SBNO2: variants seen among roughly 807,000 people sequenced by gnomAD.
SBNO2 encodes strawberry notch homolog 2, also known as protein strawberry notch homolog 2.
SBNO2 carries 89 observed loss-of-function variants against 146.3 expected under a neutral mutation model. The ratio of observed to expected loss-of-function variants is 0.61; its 90% CI spans 0.51 to 0.73. The LOEUF (loss-of-function observed/expected upper bound fraction) is 0.73, where lower values mean the gene tolerates loss of function less well. Among genes scored for constraint, SBNO2 ranks in the 30% least tolerant of loss-of-function variants. SBNO2 has a pLI of 0.00. For missense variants in SBNO2, 2,092 were observed against 2,003.7 expected, an observed-to-expected ratio of 1.04 and a Z score of -0.84; for synonymous variants, 1,147 against 892.6, an observed-to-expected ratio of 1.29 and a Z score of -5.08.
chr19:1,147,432 T>TGGA lies in SBNO2; in HGVS notation c.168-13_168-12insTCC, dbSNP rs1555725729. On this transcript the variant is annotated splice_polypyrimidine_tract_variant and intron_variant, in intron 3 of 31. Transcript: ENST00000361757. ...AGCTCATGAACGGGCTGGAGGGAGA[T>TGGA]GGGGGGGGGGGAGGTGAGATGGGGT... The TGGA allele has an allele frequency of 1.6e-6, 1 of 623,656 alleles. No homozygotes were observed. The highest frequency in any genetic ancestry group is 2.4e-6 in the Non-Finnish European group (1 of 418,534). 38.6% of individuals were successfully genotyped at this position (623,656 alleles called of 1,614,324 possible). A position where few individuals can be genotyped will look rare whatever the true frequency, so the allele number is the denominator to read the frequency against.
intron 1 of SBNO2, among the ~76,000 whole-genome samples, chr19:1,166,580 C>G (rs953866268): frequency 6.6e-6 from 1 of 151,172 alleles, no homozygotes; most frequent in African/African-American, 2.4e-5. Context: ...GAGGTGGAGA[C>G]CAGCCTGGGC....
In SBNO2 at chr19:1,109,872, A is replaced by AC. The variant is rs1201520057; in HGVS notation, c.3029-96dup. Reference sequence around the variant, plus strand: ...GTAGCCGGGGCGCACCCTAGAGACGACCCCCCGAGAGCACAGGAGAGGGTG... The same window carrying AC: ...GTAGCCGGGGCGCACCCTAGAGACGACCCCCCCGAGAGCACAGGAGAGGGTG... On this transcript the variant is annotated intron_variant, in intron 26 of 31. Coordinates refer to ENST00000361757, the MANE Select transcript of SBNO2 (RefSeq NM_014963.3). This position sits in a 1 kb window ranked among gnomAD's most constrained non-coding sequence, Gnocchi z 4.2. 4 of 786,816 alleles carry AC rather than the reference A, an allele frequency of 5.1e-6. No individual in the cohort carries two copies. The highest frequency in any genetic ancestry group is 2.8e-5 in the East Asian group (1 of 36,156). 48.7% of individuals were successfully genotyped at this position (786,816 alleles called of 1,614,324 possible).
At chr19:1,132,342 G>GCCC in intron 4 of SBNO2, 1 of 1,256,946 alleles carries the variant, frequency 8.0e-7, no homozygotes, top group Non-Finnish European at 1.0e-6. Context: ...AATGATGCCG[G>GCCC]CCCCGTAAGT....
intron 3 of SBNO2, among the ~76,000 whole-genome samples, chr19:1,149,106 A>C (rs56207616): frequency 0.24 from 24,998 of 106,182 alleles, 5,345 homozygotes; most frequent in East Asian, 0.36. Flanking sequence ...CCCCTGGCCC[A>C]TAGCCCACAC....
In SBNO2 at chr19:1,120,270, C is replaced by A. The variant is rs755914453; in HGVS notation, c.1150-247G>T. ...CTCCTCCCAGACTCTAAACAACACA[C>A]ACCGAGGATGGGGCCTCCGGCGAGG... On this transcript the variant is annotated intron_variant, in intron 11 of 31. Transcript: ENST00000361757. 24 of 516,592 alleles carry A rather than the reference C, an allele frequency of 4.6e-5. 1 individual carries two copies. Among genetic ancestry groups the A allele is most frequent in the Middle Eastern group, 9.9e-4 (2 of 2,012 alleles). 32.0% of individuals were successfully genotyped at this position (516,592 alleles called of 1,614,324 possible).
At chr19:1,167,139 G>A (rs985050451) in intron 1 of SBNO2, among the ~76,000 whole-genome samples, 2 of 152,282 alleles carry the variant, frequency 1.3e-5, no homozygotes, top group African/African-American at 2.4e-5. Context: ...AGACTTCAGC[G>A]CTGACTGCTG....
rs376311799 is a variant in SBNO2, at chr19:1,116,889, C to A, written c.1742G>T (p.Arg581Leu). The part of the protein sequence containing the change: ...VIGLQSTGEA[R>L]TREVLGENDG... ...GTTCTCCCCCAGCACCTCCCGCGTG[C>A]GCGCCTCGCCCGTGGACTGCAGCCC... Residue 581 changes from arginine to leucine, a missense_variant, in exon 16 of 32, where the codon CGC becomes CTC. Coordinates refer to ENST00000361757, the MANE Select transcript of SBNO2 (RefSeq NM_014963.3). The A allele has an allele frequency of 6.3e-7, 1 of 1,575,844 alleles. No homozygotes were observed. Among genetic ancestry groups the A allele is most frequent in the African/African-American group, 1.3e-5 (1 of 74,362 alleles).
Position 1,112,623 on chromosome 19 carries a change from T to C in SBNO2, c.2380-86A>G. On this transcript the variant is annotated intron_variant, in intron 20 of 31. Transcript: ENST00000361757. This position sits in a 1 kb window ranked among gnomAD's most constrained non-coding sequence, Gnocchi z 5.9. ...ACCTCCTCACCCACTAGGCCCCCGC[T>C]CCAGGTCACCAGGACGTCCCGGGGC... 6 of 1,474,422 alleles carry C rather than the reference T, an allele frequency of 4.1e-6. No individual in the cohort carries two copies. The highest frequency in any genetic ancestry group is 4.0e-5 in the South Asian group (3 of 74,974). The allele number at this position is 1,474,422 out of a possible 1,614,324, so 91.3% of individuals were successfully genotyped here.
chr19:1,132,708 G>A (rs545893918), intron 4 of SBNO2, among the ~76,000 whole-genome samples: 20 of 152,166 alleles, frequency 1.3e-4, no homozygotes, highest in African/African-American at 3.9e-4. Context: ...TGAGGTCCCC[G>A]AGAAGCCCCT....
Position 1,109,955 on chromosome 19 carries a change from T to C in SBNO2, c.3029-178A>G, listed in dbSNP as rs1019806185. On this transcript the variant is annotated intron_variant, in intron 26 of 31. Transcript: ENST00000361757. This position sits in a 1 kb window ranked among gnomAD's most constrained non-coding sequence, Gnocchi z 4.2. ...GGGATGGTGCACGTGGGCCCCAACC[T>C]GGCAACCGCTCAGGTCCTAGGTAAC... 2.0e-5 allele frequency among the ~76,000 whole-genome samples: 3 copies of C among 151,800 alleles called. No individual in the cohort carries two copies. The highest frequency in any genetic ancestry group is 4.8e-5 in the African/African-American group (2 of 41,290).
At position 1,112,053 on chromosome 19, in the gene SBNO2, G is replaced by A. The variant is rs775943175; in HGVS notation, c.2643C>T (p.His881=). The change falls in exon 23 of 32, where the codon CAC becomes CAT. Residue 881 remains histidine, a synonymous_variant. Coordinates refer to ENST00000361757, the MANE Select transcript of SBNO2 (RefSeq NM_014963.3). The surrounding 1 kb of genome is among the most constrained non-coding windows in gnomAD (Gnocchi z 5.9). ...KRLESLGALT[H]GDRRATESRD... ...GGGACTCCGTGGCGCGGCGGTCTCC[G>A]TGGGTCAGGGCCCCCTGCCAGGGGT... 2.2e-5 allele frequency: 36 copies of A among 1,612,306 alleles called. No individual in the cohort carries two copies. The highest frequency in any genetic ancestry group is 2.8e-5 in the Non-Finnish European group (33 of 1,179,750).
Position 1,122,782 on chromosome 19 carries a change from C to G in SBNO2, c.790G>C (p.Val264Leu), listed in dbSNP as rs1474023924. Residue 264 changes from valine (V) to leucine (L), a missense_variant, in exon 9 of 32, where the codon GTC becomes CTC. By Grantham distance (32) the Val-to-Leu change is conservative. Coordinates refer to ENST00000361757, the MANE Select transcript of SBNO2 (RefSeq NM_014963.3). ...AITYACQQHE[V>L]LLPSGQRAGF... is the part of the protein sequence containing the mutation. ...GCGCGCTGCCCGCTGGGGAGCAGGACCTCGTGTTGCTGTTGCCGGAGAGCA... is the reference window on the plus strand; with the variant it reads ...GCGCGCTGCCCGCTGGGGAGCAGGAGCTCGTGTTGCTGTTGCCGGAGAGCA... The G allele has an allele frequency of 1.3e-6, 2 of 1,537,888 alleles. No individual in the cohort carries two copies. Among genetic ancestry groups the G allele is most frequent in the Non-Finnish European group, 1.7e-6 (2 of 1,146,382 alleles).
chr19:1,139,599 AC>A (rs1260663579), intron 4 of SBNO2, among the ~76,000 whole-genome samples: 1 of 152,056 alleles, frequency 6.6e-6, no homozygotes, highest in Non-Finnish European at 1.5e-5. Flanking sequence ...GTTTGAGACC[AC>A]CCTGGCCAAC....
chr19:1,162,137 G>A (rs2080353421), intron 1 of SBNO2, among the ~76,000 whole-genome samples: 1 of 148,820 alleles, frequency 6.7e-6, no homozygotes, highest in East Asian at 2.0e-4. Context: ...CAGGGATGGG[G>A]TCTTTTAAAG....
chr19:1,111,702 C>G (rs530533550), intron 23 of SBNO2, 88 bp from the exon 24 acceptor site: 15 of 1,011,106 alleles, frequency 1.5e-5, no homozygotes, highest in African/African-American at 4.8e-5. Flanking sequence ...CCACCCTCCC[C>G]TAGGCCCCTG....
rs1212349786 is a variant in SBNO2 at position 1,112,816 on chromosome 19, A to G, written c.2379+2T>C. 2 of 1,568,878 alleles carry G rather than the reference A, an allele frequency of 1.3e-6. No homozygotes were observed. The highest frequency in any genetic ancestry group is 1.2e-5 in the South Asian group (1 of 85,362). On this transcript the variant is annotated splice_donor_variant, in intron 20 of 31. Coordinates refer to ENST00000361757, the MANE Select transcript of SBNO2 (RefSeq NM_014963.3). LOFTEE classifies it high-confidence loss of function. The surrounding 1 kb of genome is among the most constrained non-coding windows in gnomAD (Gnocchi z 5.9). Reference sequence around the variant, plus strand: ...CGCGCCCAGTGCACTGCAGCCCCGCACCTTCTCGCCGCTCATGAAGCGCTG... The same window carrying G: ...CGCGCCCAGTGCACTGCAGCCCCGCGCCTTCTCGCCGCTCATGAAGCGCTG...
chr19:1,162,572 G>A (rs1305259424), intron 1 of SBNO2, among the ~76,000 whole-genome samples: 1 of 152,016 alleles, frequency 6.6e-6, no homozygotes, highest in Admixed American at 6.5e-5. Context: ...GGAGGCTGAC[G>A]CCCCGGAGGG....
chr19:1,159,700 CGGATGGGACAGCGGG>C (rs2080326208), intron 1 of SBNO2, among the ~76,000 whole-genome samples: 1 of 74,984 alleles, frequency 1.3e-5, no homozygotes, highest in African/African-American at 5.7e-5. Context: ...GGGGCAGCGG[CGGATGGGACAGCGGG>C]GGGACAGCAA....
At chr19:1,111,847 C>T (rs2079765041) in intron 23 of SBNO2, 149 bp downstream of exon 23, 7 of 855,716 alleles carry the variant, frequency 8.2e-6, no homozygotes, top group Non-Finnish European at 1.3e-5. Flanking sequence ...CCCCCTTCCC[C>T]CCTGGGGGTC....
Sources: allele counts gnomAD v4.1 joint callset (sites outside exome capture counted in the v4.1 genomes callset), GRCh38; gene constraint gnomAD v4.1.1; non-coding constraint Gnocchi (gnomAD v3.1); transcripts MANE v1.5; gene names NCBI Gene and HGNC (gene_info 2026-07-23, HGNC 2026-07-21).